CCDC102B: variants seen among roughly 807,000 people sequenced by gnomAD.
CCDC102B encodes the protein coiled-coil domain-containing protein 102B.
A neutral mutation model predicts 57.4 loss-of-function variants in CCDC102B; 75 were observed. The observed-to-expected ratio is 1.31, with a 90% confidence interval of 1.08 to 1.58. The LOEUF (loss-of-function observed/expected upper bound fraction) is 1.58. Ranked by LOEUF, CCDC102B falls within the 40% of genes most tolerant of loss-of-function variation. CCDC102B has a pLI of 0.00. For synonymous variants in CCDC102B, 206 were observed against 201.9 expected (o/e 1.02, Z -0.17); for missense variants, 636 against 582.6 (o/e 1.09, Z -0.94).
chr18:68,991,123 C>CTT (rs11368924), intron 6 of CCDC102B, among the ~76,000 whole-genome samples: 8,205 of 136,224 alleles, frequency 0.06, 761 homozygotes, highest in African/African-American at 0.19. Flanking sequence ...GGCCCTTCTG[C>CTT]TTTTTTTTTT....
At chr18:68,858,355 T>C (rs1352836969) in intron 4 of CCDC102B, among the ~76,000 whole-genome samples, 1 of 152,236 alleles carries the variant, frequency 6.6e-6, no homozygotes, top group Non-Finnish European at 1.5e-5. Context: ...GCAATTTGAT[T>C]GTAATGTACA....
At chr18:68,993,935 A>G (rs2145333841) in intron 6 of CCDC102B, among the ~76,000 whole-genome samples, 1 of 152,258 alleles carries the variant, frequency 6.6e-6, no homozygotes, top group South Asian at 2.1e-4. Context: ...CTTAAATAAA[A>G]CTTTATAGAT....
At chr18:68,894,835 AT>A (rs1338424449) in intron 5 of CCDC102B, among the ~76,000 whole-genome samples, 4 of 151,900 alleles carry the variant, frequency 2.6e-5, no homozygotes, top group South Asian at 2.1e-4. Flanking sequence ...CTTAAAAAAA[AT>A]CTTAAGAGTT....
intron 5 of CCDC102B, among the ~76,000 whole-genome samples, chr18:68,886,879 T>C (rs2039906268): frequency 6.6e-6 from 1 of 152,122 alleles, no homozygotes; most frequent in Admixed American, 6.6e-5. Context: ...GATTCTATAT[T>C]CCTTTAATAA....
chr18:68,837,490 G>A, intron 2 of CCDC102B, 121 bp downstream of exon 2: 1 of 902,512 alleles, frequency 1.1e-6, no homozygotes. Flanking sequence ...CCATAACAAA[G>A]TACCATAATC....
At chr18:68,722,899 C>CT (rs370512490) in intron 2 of CCDC102B, among the ~76,000 whole-genome samples, 3,349 of 131,786 alleles carry the variant, frequency 0.025, 118 homozygotes, top group African/African-American at 0.07. Context: ...TTTTTGCAAC[C>CT]TTTTTTTTTT....
chr18:68,897,659 T>C, intron 6 of CCDC102B: 1 of 1,449,028 alleles, frequency 6.9e-7, no homozygotes, highest in Admixed American at 2.1e-5. Flanking sequence ...TTTCAAGATT[T>C]CCAAAAGGAA....
chr18:68,754,845 C>T (rs879663092), intron 2 of CCDC102B: 1 of 152,108 alleles, frequency 6.6e-6, no homozygotes, highest in Non-Finnish European at 1.5e-5. Flanking sequence ...ATAAGAGAAG[C>T]TTAAGAGAGA....
At chr18:68,754,631 GAAAAC>G (rs761007499) in intron 2 of CCDC102B, 6 of 152,008 alleles carry the variant, frequency 3.9e-5, no homozygotes, top group Non-Finnish European at 7.3e-5. Flanking sequence ...TGTCTCTATT[GAAAAC>G]AAAAGAAAAG....
At chr18:68,961,341 T>C (rs2050043149) in intron 6 of CCDC102B, among the ~76,000 whole-genome samples, 1 of 151,944 alleles carries the variant, frequency 6.6e-6, no homozygotes, top group Non-Finnish European at 1.5e-5. Context: ...TTATACACAA[T>C]ACAGAAACAA....
chr18:68,726,699 T>G (rs1043395544), intron 2 of CCDC102B, among the ~76,000 whole-genome samples: 2 of 152,204 alleles, frequency 1.3e-5, no homozygotes, highest in African/African-American at 4.8e-5. Flanking sequence ...CAAGGATTCT[T>G]GAATTCCTCC....
intron 5 of CCDC102B, among the ~76,000 whole-genome samples, chr18:68,881,754 T>C (rs1253566519): frequency 6.6e-6 from 1 of 152,114 alleles, no homozygotes; most frequent in African/African-American, 2.4e-5. Flanking sequence ...CTTCTATAAT[T>C]TCATGAGCCA....
chr18:68,753,004 T>C lies in CCDC102B; in HGVS notation c.-67+36410T>C, dbSNP rs186244459. On this transcript the variant is annotated intron_variant, in intron 2 of 3. Transcript: ENST00000578970. ...CTAATTTAAACCAGTCTGTTTTTTT[T>C]ATGACTTAACTTCTCTTTTATATTT... is the stretch of plus-strand genomic sequence containing the variant. 3.4e-3 allele frequency among the ~76,000 whole-genome samples: 516 copies of C among 152,284 alleles called. 1 individual carries two copies. The highest frequency in any genetic ancestry group is 0.012 in the African/African-American group (497 of 41,572).
intron 6 of CCDC102B, among the ~76,000 whole-genome samples, chr18:69,003,539 G>A (rs561369547): frequency 1.2e-4 from 18 of 152,274 alleles, no homozygotes; most frequent in Admixed American, 1.2e-3. Flanking sequence ...GCAGAAAGGG[G>A]AAAAGATCCC....
At chr18:69,033,394 CAG>C in intron 7 of CCDC102B, among the ~76,000 whole-genome samples, 1 of 152,212 alleles carries the variant, frequency 6.6e-6, no homozygotes, top group Middle Eastern at 3.4e-3. Flanking sequence ...AATTTTAAAA[CAG>C]TGTCATCATC....
At chr18:68,797,995 G>T (rs941993932), upstream of CCDC102B, 2 of 151,956 alleles carry the variant, frequency 1.3e-5, no homozygotes, top group African/African-American at 4.8e-5. Flanking sequence ...TTGTGGTAGT[G>T]GTTTCAATAA....
chr18:68,797,081 C>A (rs996480324), upstream of CCDC102B, among the ~76,000 whole-genome samples: 8 of 151,878 alleles, frequency 5.3e-5, no homozygotes, highest in South Asian at 2.1e-4. Flanking sequence ...CAGGAGGGAA[C>A]GTTCAAAGAT....
chr18:68,825,453 G>A (rs1259858456), intron 1 of CCDC102B, among the ~76,000 whole-genome samples: 2 of 152,128 alleles, frequency 1.3e-5, no homozygotes, highest in African/African-American at 4.8e-5. Flanking sequence ...ACTTTGGGAG[G>A]CCGAGGTGGG....
chr18:68,718,406 C>T (rs890133690), intron 2 of CCDC102B, among the ~76,000 whole-genome samples: 3 of 152,084 alleles, frequency 2.0e-5, no homozygotes. Context: ...ACAGAAGAAG[C>T]CAGAAACTAA....
Sources: allele counts gnomAD v4.1 joint callset (sites outside exome capture counted in the v4.1 genomes callset), GRCh38; gene constraint gnomAD v4.1.1; transcripts MANE v1.5; gene names NCBI Gene and HGNC (gene_info 2026-07-23, HGNC 2026-07-21).